The following CCDC148 variants were observed in gnomAD, a reference collection of about 807,000 sequenced individuals.
The protein encoded by CCDC148 is coiled-coil domain containing 148.
A neutral mutation model predicts 85.7 loss-of-function variants in CCDC148; 89 were observed. That is an observed-to-expected ratio of 1.04 (90% CI 0.87 to 1.24). CCDC148 has a LOEUF of 1.24. Among genes scored for constraint, CCDC148 ranks in the 50% most tolerant of loss-of-function variants. The pLI, the probability that CCDC148 is intolerant of heterozygous loss-of-function variation, is 0.00. For synonymous variants in CCDC148, 230 were observed against 213.9 expected, an observed-to-expected ratio of 1.08 and a Z score of -0.66; for missense variants, 692 against 671.7, an observed-to-expected ratio of 1.03 and a Z score of -0.33.
chr2:158,225,803 G>A (rs908622400), intron 10 of CCDC148, among the ~76,000 whole-genome samples: 28 of 152,134 alleles, frequency 1.8e-4, no homozygotes, highest in Non-Finnish European at 3.2e-4. Context: ...CACATTCAAA[G>A]CAGTGTGTAG....
At chr2:158,284,132 G>T (rs183617619) in intron 9 of CCDC148, among the ~76,000 whole-genome samples, 1 of 125,554 alleles carries the variant, frequency 8.0e-6, no homozygotes. Context: ...GTTGTGGGGT[G>T]GGGGGAGGGG....
At chr2:158,225,813 G>C (rs545112676) in intron 10 of CCDC148, among the ~76,000 whole-genome samples, 232 of 152,254 alleles carry the variant, frequency 1.5e-3, no homozygotes, top group African/African-American at 5.2e-3. Flanking sequence ...GCAGTGTGTA[G>C]AGGGAAATTT....
At chr2:158,207,119 A>C (rs1428582646) in intron 11 of CCDC148, among the ~76,000 whole-genome samples, 1 of 152,360 alleles carries the variant, frequency 6.6e-6, no homozygotes, top group African/African-American at 2.4e-5. Context: ...TTTTGGGCCA[A>C]CTGTGTATCC....
rs1691283080 is a variant in CCDC148, at chr2:158,298,213, CACA to C, written c.1110+11217_1110+11219del. On this transcript the variant is annotated intron_variant, in intron 9 of 13. Transcript: ENST00000283233. ...TCAATTATTTCCACCTGGTCCCTCC[CACA>C]ACATGTGGGGATTATGGGAATTACA... Among the ~76,000 whole-genome samples, 6 of 152,284 alleles carry C rather than the reference CACA, an allele frequency of 3.9e-5. No homozygotes were observed. The South Asian group carries it at 1.2e-3, about 32-fold the overall frequency.
At chr2:158,192,740 T>A (rs910322784) in intron 11 of CCDC148, among the ~76,000 whole-genome samples, 3 of 151,564 alleles carry the variant, frequency 2.0e-5, no homozygotes, top group Non-Finnish European at 4.4e-5. Context: ...CCCCAAACAG[T>A]AAACCCAAGG....
chr2:158,220,794 G>A (rs751237465), intron 10 of CCDC148, 81 bp from the exon 11 acceptor site: 14 of 1,058,664 alleles, frequency 1.3e-5, no homozygotes, highest in Non-Finnish European at 1.9e-5. Context: ...ATATCCACTG[G>A]TTCGTATTAC....
intron 11 of CCDC148, among the ~76,000 whole-genome samples, chr2:158,182,356 A>G (rs1335481084): frequency 6.6e-6 from 1 of 152,112 alleles, no homozygotes; most frequent in East Asian, 1.9e-4. Flanking sequence ...AGTGAGGAGG[A>G]TAAGTGGTCC....
chr2:158,320,165 T>A (rs766326278), intron 7 of CCDC148, among the ~76,000 whole-genome samples: 1 of 152,178 alleles, frequency 6.6e-6, no homozygotes, highest in Non-Finnish European at 1.5e-5. Flanking sequence ...GAGGAAAATT[T>A]TAATTAGCCA....
At chr2:158,442,788 A>G (rs1687991315) in intron 1 of CCDC148, among the ~76,000 whole-genome samples, 1 of 152,222 alleles carries the variant, frequency 6.6e-6, no homozygotes, top group Non-Finnish European at 1.5e-5. Flanking sequence ...ACACTATTCT[A>G]AGAGTCTTAG....
chr2:158,214,961 T>C (rs533646780), intron 11 of CCDC148, among the ~76,000 whole-genome samples: 2 of 152,296 alleles, frequency 1.3e-5, no homozygotes, highest in African/African-American at 2.4e-5. Context: ...TAAGTGAAAT[T>C]TGACATAAGA....
intron 10 of CCDC148, among the ~76,000 whole-genome samples, chr2:158,223,923 CCAAAGGAATG>C (rs1687343643): frequency 1.3e-5 from 2 of 152,200 alleles, no homozygotes; most frequent in African/African-American, 4.8e-5. Flanking sequence ...CTCTCCTTCT[CCAAAGGAATG>C]CAGCTCCTTG....
At chr2:158,263,194 G>C (rs1035185048) in intron 9 of CCDC148, among the ~76,000 whole-genome samples, 2 of 152,090 alleles carry the variant, frequency 1.3e-5, no homozygotes, top group South Asian at 4.1e-4. Flanking sequence ...GTCAAGTTTA[G>C]AATACAATAA....
At chr2:158,357,769 AG>A (rs915506491) in intron 2 of CCDC148, among the ~76,000 whole-genome samples, 3 of 152,358 alleles carry the variant, frequency 2.0e-5, no homozygotes, top group Admixed American at 2.0e-4. Flanking sequence ...TAACAATAAA[AG>A]GCAAAACAAA....
At position 158,176,377 on chromosome 2, in the gene CCDC148, CT is replaced by C. The variant is rs1382161982; in HGVS notation, c.1629+143del. ...TTAAGAATTATGTAGTAATTATGTACTATCATTTAGAAGTAAAAATTATGCT... is the reference window on the plus strand; with the variant it reads ...TTAAGAATTATGTAGTAATTATGTACATCATTTAGAAGTAAAAATTATGCT... On this transcript the variant is annotated intron_variant, in intron 13 of 13. Coordinates refer to ENST00000283233, the MANE Select transcript of CCDC148 (RefSeq NM_138803.4). 3 of 707,648 alleles carry C rather than the reference CT, an allele frequency of 4.2e-6. No individual in the cohort carries two copies. The African/African-American group carries it at 5.4e-5, about 13-fold the overall frequency. 43.8% of individuals were successfully genotyped at this position (707,648 alleles called of 1,614,324 possible).
intron 11 of CCDC148, among the ~76,000 whole-genome samples, chr2:158,188,099 G>A (rs1685239334): frequency 6.6e-6 from 1 of 151,900 alleles, no homozygotes; most frequent in Admixed American, 6.6e-5. Flanking sequence ...TGGGTACCAT[G>A]GACAGAGCTA....
At position 158,329,436 on chromosome 2, in the gene CCDC148, G is replaced by A. The variant is rs180916249; in HGVS notation, c.764+9290C>T. On this transcript the variant is annotated intron_variant, in intron 7 of 13. Coordinates refer to ENST00000283233, the MANE Select transcript of CCDC148 (RefSeq NM_138803.4). ...ACTGTAGCCTTGTAGTATAGTTTGA[G>A]GCCAGGTGATGCCTCCAGCTTTGTT... Among the ~76,000 whole-genome samples, 209 of 149,852 alleles carry A rather than the reference G, an allele frequency of 1.4e-3. 2 individuals are homozygous for A. The highest frequency in any genetic ancestry group is 4.7e-3 in the African/African-American group (195 of 41,234).
chr2:158,358,574 T>C lies in CCDC148; in HGVS notation c.26-4A>G. On this transcript the variant is annotated splice_region_variant and splice_polypyrimidine_tract_variant and intron_variant, in intron 1 of 13. Coordinates refer to ENST00000283233, the MANE Select transcript of CCDC148 (RefSeq NM_138803.4). ...TTCATATGGAATACCAGATTATCTA[T>C]TAGTCATAAAAATAGAAAAATGACA... The C allele has an allele frequency of 6.5e-7, 1 of 1,542,940 alleles. No homozygotes were observed. The highest frequency in any genetic ancestry group is 1.2e-5 in the South Asian group (1 of 81,894).
intron 7 of CCDC148, among the ~76,000 whole-genome samples, chr2:158,329,305 G>A (rs1303906151): frequency 6.6e-6 from 1 of 152,126 alleles, no homozygotes; most frequent in Non-Finnish European, 1.5e-5. Flanking sequence ...TCTCAGATTT[G>A]TCAAAGATCA....
At chr2:158,418,930 TGAAA>T (rs761072191) in intron 1 of CCDC148, among the ~76,000 whole-genome samples, 3 of 152,052 alleles carry the variant, frequency 2.0e-5, no homozygotes, top group East Asian at 1.9e-4. Context: ...TTTAGAAGAG[TGAAA>T]GAAAGTATAA....
Sources: gnomAD v4.1 joint callset for allele counts (sites outside exome capture counted in the v4.1 genomes callset) on GRCh38, gnomAD v4.1.1 for gene constraint, MANE v1.5 for transcripts, NCBI Gene and HGNC (gene_info 2026-07-23, HGNC 2026-07-21) for gene names.